DCP1B: variants seen among roughly 807,000 people sequenced by gnomAD.
The protein encoded by DCP1B is decapping mRNA 1B, also known as mRNA-decapping enzyme 1B.
In DCP1B, 47 loss-of-function variants were observed where a neutral mutation model predicts 60.5. The observed-to-expected ratio is 0.78, with a 90% CI of 0.61 to 0.99. The LOEUF (loss-of-function observed/expected upper bound fraction) is 0.99, where lower values mean the gene tolerates loss of function less well. DCP1B is among the 50% of genes least tolerant of loss of function. The pLI is 0.00. For missense variants in DCP1B, 725 were observed against 756.8 expected (o/e 0.96, Z 0.49); for synonymous variants, 267 against 280.3 (o/e 0.95, Z 0.47).
intron 1 of DCP1B, among the ~76,000 whole-genome samples, chr12:2,002,839 T>G (rs1188713473): frequency 6.6e-6 from 1 of 152,158 alleles, no homozygotes. Flanking sequence ...TTAATTACCA[T>G]GGAGGAAACT....
At chr12:1,949,686 C>T (rs1264409018) in intron 7 of DCP1B, among the ~76,000 whole-genome samples, 2 of 152,232 alleles carry the variant, frequency 1.3e-5, no homozygotes, top group Non-Finnish European at 2.9e-5. Flanking sequence ...GTCTCACAAC[C>T]TATGTGAGCT....
chr12:1,981,507 A>C lies in DCP1B; in HGVS notation c.319+11757T>G, dbSNP rs2036120161. 2.0e-5 allele frequency among the ~76,000 whole-genome samples: 3 copies of C among 152,224 alleles called. No homozygotes were observed. The South Asian group carries it at 6.2e-4, about 32-fold the overall frequency. On this transcript the variant is annotated intron_variant, in intron 3 of 8. Transcript: ENST00000280665. ...GGACAAAATATTATACATAAGGTAA[A>C]CTATAAGCACAACTAGTAATTGCCT...
chr12:1,973,665 C>T (rs1013290610), intron 3 of DCP1B, among the ~76,000 whole-genome samples: 5 of 152,086 alleles, frequency 3.3e-5, no homozygotes, highest in African/African-American at 9.7e-5. Flanking sequence ...TCTTTTTCAT[C>T]GTATACTAAT....
In DCP1B at chr12:1,953,203, G is replaced by A; in HGVS notation, c.737C>T (p.Pro246Leu). Residue 246 changes from proline to leucine, a missense_variant, in exon 7 of 9, where the codon CCT becomes CTT. Pro to Leu is a moderately conservative substitution (Grantham distance 98). Coordinates refer to ENST00000280665, the MANE Select transcript of DCP1B (RefSeq NM_152640.5). ...CTGCTGCTGGTGGAGAGTCTGCGGA[G>A]GCTCCACAGTTTCCTGACATGTAGC... Reference protein sequence around the residue: ...DKATCQETVEPPQTLHQQQQQ... With the variant: ...DKATCQETVELPQTLHQQQQQ... The A allele has an allele frequency of 1.2e-6, 2 of 1,609,462 alleles. No individual in the cohort carries two copies. The highest frequency in any genetic ancestry group is 1.7e-5 in the Admixed American group (1 of 59,990).
At chr12:1,988,743 A>G (rs1241070353) in intron 3 of DCP1B, among the ~76,000 whole-genome samples, 1 of 152,236 alleles carries the variant, frequency 6.6e-6, no homozygotes, top group Non-Finnish European at 1.5e-5. Context: ...ACTTTTATGA[A>G]GATGGCCTAT....
intron 2 of DCP1B, among the ~76,000 whole-genome samples, chr12:1,994,160 C>T (rs556575100): frequency 6.6e-6 from 1 of 152,350 alleles, no homozygotes; most frequent in African/African-American, 2.4e-5. Flanking sequence ...CATGTGCATT[C>T]ATCTACCCTT....
At chr12:1,943,881 A>G (rs2030340018), downstream of DCP1B, among the ~76,000 whole-genome samples, 1 of 152,242 alleles carries the variant, frequency 6.6e-6, no homozygotes, top group Non-Finnish European at 1.5e-5. Flanking sequence ...AACTGGCACA[A>G]GACAAGGATG....
At chr12:1,959,877 G>A (rs555593622) in intron 5 of DCP1B, among the ~76,000 whole-genome samples, 11 of 151,638 alleles carry the variant, frequency 7.3e-5, no homozygotes, top group Admixed American at 1.3e-4. Flanking sequence ...GGAGAATGGC[G>A]TGAACCCAGG....
chr12:1,967,370 A>G lies in DCP1B; in HGVS notation c.386+474T>C, dbSNP rs78116175. On this transcript the variant is annotated intron_variant, in intron 4 of 8. Coordinates refer to ENST00000280665, the MANE Select transcript of DCP1B (RefSeq NM_152640.5). ...CAGAAAATAAAGACTACCTTAACTCAGTGTCTGAGACATGGGAGGAAATTC... is the reference window on the plus strand; with the variant it reads ...CAGAAAATAAAGACTACCTTAACTCGGTGTCTGAGACATGGGAGGAAATTC... Among the ~76,000 whole-genome samples the G allele has an allele frequency of 5.2e-3, 799 of 152,356 alleles. 4 individuals are homozygous for G. Among genetic ancestry groups the G allele is most frequent in the Non-Finnish European group, 9.5e-3 (646 of 68,028 alleles).
At position 1,954,741 on chromosome 12, in the gene DCP1B, C is replaced by CT. The variant is rs1166974052; in HGVS notation, c.651+690dup. Among the ~76,000 whole-genome samples the CT allele has an allele frequency of 2.6e-5, 4 of 152,322 alleles. No individual in the cohort carries two copies. In the East Asian group the frequency reaches 7.7e-4, roughly 29 times the overall value. On this transcript the variant is annotated intron_variant, in intron 6 of 8. Coordinates refer to ENST00000280665, the MANE Select transcript of DCP1B (RefSeq NM_152640.5). ...GTGCTCAGAAGTGCTCAAATCAACT[C>CT]TGTGTCCTTGGTGGTTCTCCCAGGT...
intron 3 of DCP1B, among the ~76,000 whole-genome samples, chr12:1,976,869 G>A (rs2154461472): frequency 6.6e-6 from 1 of 151,582 alleles, no homozygotes; most frequent in East Asian, 1.9e-4. Context: ...GGAGGGGGAG[G>A]AAGGAAAGTA....
Position 1,965,670 on chromosome 12 carries a change from T to G in DCP1B, c.410A>C (p.Lys137Thr). The change falls in exon 5 of 9, where the codon AAA becomes ACA. Residue 137 changes from lysine (K) to threonine (T), a missense_variant. Lys to Thr is a moderately conservative substitution (Grantham distance 78). Coordinates refer to ENST00000280665, the MANE Select transcript of DCP1B (RefSeq NM_152640.5). Reference sequence around the variant, plus strand: ...TCCTGCTCCAGTTCCCTGATGGGCTTTCAACTGTTCATACTGAGTTAGGCT... The same window carrying G: ...TCCTGCTCCAGTTCCCTGATGGGCTGTCAACTGTTCATACTGAGTTAGGCT... Reference protein sequence around the residue: ...MKNLTQYEQLKAHQGTGAGIS... With the variant: ...MKNLTQYEQLTAHQGTGAGIS... 2 of 1,613,436 alleles carry G rather than the reference T, an allele frequency of 1.2e-6. No homozygotes were observed.
intron 3 of DCP1B, chr12:1,991,299 TG>T: frequency 2.3e-6 from 1 of 440,620 alleles, no homozygotes; most frequent in South Asian, 1.6e-5. Flanking sequence ...TTATTAAACA[TG>T]GTAAAATAAA....
chr12:1,945,994 C>A (rs1039439416), downstream of DCP1B: 5 of 396,402 alleles, frequency 1.3e-5, no homozygotes, highest in Non-Finnish European at 8.9e-6. Context: ...AACAAACCTG[C>A]ATGTTCTGTA....
At position 1,994,380 on chromosome 12, in the gene DCP1B, C is replaced by G. The variant is rs949168838; in HGVS notation, c.192-989G>C. Among the ~76,000 whole-genome samples the G allele has an allele frequency of 2.0e-5, 3 of 152,322 alleles. No homozygotes were observed. The East Asian group carries it at 5.8e-4, about 29-fold the overall frequency. On this transcript the variant is annotated intron_variant, in intron 2 of 8. Coordinates refer to ENST00000280665, the MANE Select transcript of DCP1B (RefSeq NM_152640.5). ...AGTTTTATTTTACCTCTATTTGATA[C>G]TGATCAAGGAACACAGCTACATAAC...
intron 3 of DCP1B, among the ~76,000 whole-genome samples, chr12:1,969,388 G>A (rs2031671356): frequency 6.6e-6 from 1 of 152,042 alleles, no homozygotes; most frequent in Non-Finnish European, 1.5e-5. Flanking sequence ...TTAAACTTTG[G>A]TTTTGCAATT....
chr12:1,998,130 T>G (rs1170579076), intron 1 of DCP1B, among the ~76,000 whole-genome samples, 155 bp from the exon 2 acceptor site: 1 of 152,204 alleles, frequency 6.6e-6, no homozygotes, highest in Non-Finnish European at 1.5e-5. Flanking sequence ...AGAAAGCAAG[T>G]TCTATGTCAT....
chr12:1,989,658 A>T (rs1016941631), intron 3 of DCP1B, among the ~76,000 whole-genome samples: 1 of 151,826 alleles, frequency 6.6e-6, no homozygotes, highest in Non-Finnish European at 1.5e-5. Context: ...GGCTGCAATA[A>T]GCCGAGATTG....
downstream of DCP1B, among the ~76,000 whole-genome samples, chr12:1,941,937 C>T (rs1592769915): frequency 6.6e-6 from 1 of 152,262 alleles, no homozygotes; most frequent in Middle Eastern, 3.4e-3. Flanking sequence ...TTACACACAA[C>T]AATATTAACC....
Sources: allele counts gnomAD v4.1 joint callset (sites outside exome capture counted in the v4.1 genomes callset), GRCh38; gene constraint gnomAD v4.1.1; transcripts MANE v1.5; gene names NCBI Gene and HGNC (gene_info 2026-07-23, HGNC 2026-07-21).